The following GRHL2 variants were observed in gnomAD, a reference collection of about 807,000 sequenced individuals.
GRHL2 encodes grainyhead-like protein 2 homolog.
GRHL2 carries 21 observed loss-of-function variants against 83.8 expected under a neutral mutation model. That is an observed-to-expected ratio of 0.25 (90% CI 0.18 to 0.36). The LOEUF (loss-of-function observed/expected upper bound fraction) is 0.36. Among genes scored for constraint, GRHL2 ranks in the 10% least tolerant of loss-of-function variants. The pLI is 1.00. For synonymous variants in GRHL2, 280 were observed against 278.9 expected, an observed-to-expected ratio of 1.00 and a Z score of -0.04; for missense variants, 623 against 781.8, an observed-to-expected ratio of 0.80 and a Z score of 2.42.
At chr8:101,541,961 T>A (rs2130117664) in intron 1 of GRHL2, among the ~76,000 whole-genome samples, 1 of 152,300 alleles carries the variant, frequency 6.6e-6, no homozygotes, top group South Asian at 2.1e-4. Flanking sequence ...AGTTTTTATA[T>A]CACCTAAATA....
At chr8:101,521,460 C>G (rs564336352) in intron 1 of GRHL2, among the ~76,000 whole-genome samples, 2 of 152,152 alleles carry the variant, frequency 1.3e-5, no homozygotes, top group Admixed American at 6.5e-5. Context: ...ACCACATGGT[C>G]CCCATGATAT....
chr8:101,537,044 C>T (rs750041865), intron 1 of GRHL2, among the ~76,000 whole-genome samples: 1 of 151,258 alleles, frequency 6.6e-6, no homozygotes, highest in Non-Finnish European at 1.5e-5. Flanking sequence ...GTTTTCTATT[C>T]CTGTGTTAGT....
chr8:101,551,237 A>T (rs1340658624), intron 2 of GRHL2, among the ~76,000 whole-genome samples: 7 of 152,248 alleles, frequency 4.6e-5, no homozygotes, highest in African/African-American at 1.7e-4. Flanking sequence ...TTATTAACAA[A>T]TATAAAGTAC....
At chr8:101,654,289 C>CTAAT (rs1586175045) in intron 14 of GRHL2, among the ~76,000 whole-genome samples, 2 of 152,200 alleles carry the variant, frequency 1.3e-5, no homozygotes, top group African/African-American at 4.8e-5. Flanking sequence ...TCATCCTGGA[C>CTAAT]TAATTATTGA....
chr8:101,546,860 G>A (rs183524104), intron 2 of GRHL2, among the ~76,000 whole-genome samples: 3 of 152,292 alleles, frequency 2.0e-5, no homozygotes, highest in Admixed American at 2.0e-4. Flanking sequence ...AAGGAAAGTT[G>A]AAATATTGCT....
chr8:101,581,731 GC>G (rs1563591494), intron 7 of GRHL2, among the ~76,000 whole-genome samples: 1 of 152,124 alleles, frequency 6.6e-6, no homozygotes. Flanking sequence ...TGTAATTAAG[GC>G]AGAGCCCTGT....
intron 5 of GRHL2, among the ~76,000 whole-genome samples, chr8:101,570,815 T>A (rs58824748): frequency 6.6e-6 from 1 of 152,220 alleles, no homozygotes; most frequent in African/African-American, 2.4e-5. Context: ...GTAAAGGATC[T>A]GGCTTCTTTC....
rs542446359 is a variant in GRHL2 at position 101,519,285 on chromosome 8, A to G, written c.21-23956A>G. Among the ~76,000 whole-genome samples, 6 of 152,102 alleles carry G rather than the reference A, an allele frequency of 3.9e-5. No individual in the cohort carries two copies. In the South Asian group the frequency reaches 1.2e-3, roughly 32 times the overall value. On this transcript the variant is annotated intron_variant, in intron 1 of 15. Coordinates refer to ENST00000646743, the MANE Select transcript of GRHL2 (RefSeq NM_024915.4). ...TAATCCTCCCGCCTTGGCTTCCCAA[A>G]AGTGCTGGAATTACAGCTGTGAGCC...
intron 12 of GRHL2, among the ~76,000 whole-genome samples, chr8:101,637,755 G>T (rs182563914): frequency 6.6e-6 from 1 of 152,236 alleles, no homozygotes; most frequent in African/African-American, 2.4e-5. Context: ...ATTCCAGCTC[G>T]TAGGGAGTTC....
At chr8:101,643,368 TCAAAAA>T (rs1813441094) in intron 12 of GRHL2, among the ~76,000 whole-genome samples, 1 of 18,816 alleles carries the variant, frequency 5.3e-5, no homozygotes, top group African/African-American at 1.8e-4. Flanking sequence ...TCTGTTTCTC[TCAAAAA>T]AAAAAAAAAA....
chr8:101,574,815 T>C (rs1811901602), intron 6 of GRHL2, among the ~76,000 whole-genome samples: 1 of 152,238 alleles, frequency 6.6e-6, no homozygotes, highest in Non-Finnish European at 1.5e-5. Context: ...AGTCATAAAA[T>C]AACAATTTAT....
intron 15 of GRHL2, among the ~76,000 whole-genome samples, chr8:101,665,659 A>G (rs1423491466): frequency 6.6e-6 from 1 of 152,232 alleles, no homozygotes; most frequent in Non-Finnish European, 1.5e-5. Flanking sequence ...GCTTTCATCA[A>G]GCTCTGTATC....
Position 101,624,504 on chromosome 8 carries a change from A to C in GRHL2, c.1257+4807A>C, listed in dbSNP as rs569251667. ...AACAGTGTAGGACAGTTCAGAGTAC[A>C]CAGTAGGACAGTTCACAGTAAGACA... On this transcript the variant is annotated intron_variant, in intron 9 of 15. Transcript: ENST00000646743. Among the ~76,000 whole-genome samples, 292 of 150,518 alleles carry C rather than the reference A, an allele frequency of 1.9e-3. 1 individual carries two copies. Among genetic ancestry groups the C allele is most frequent in the African/African-American group, 6.8e-3 (279 of 40,888 alleles).
At chr8:101,669,923 C>A (rs1331237661), downstream of GRHL2, among the ~76,000 whole-genome samples, 1 of 152,192 alleles carries the variant, frequency 6.6e-6, no homozygotes, top group Non-Finnish European at 1.5e-5. Flanking sequence ...GGCTGAAGAA[C>A]TTCCAGGGCT....
rs1253013242 is a variant in GRHL2 at position 101,657,607 on chromosome 8, G to A, written c.1699-6847G>A. Among the ~76,000 whole-genome samples, 10 of 152,132 alleles carry A rather than the reference G, an allele frequency of 6.6e-5. 1 individual carries two copies. The highest frequency in any genetic ancestry group is 2.4e-4 in the African/African-American group (10 of 41,452). ...TGTAATCCCAGCACTCTGGGAGGCC[G>A]AGACGGGTGGATCACGAGGTCAGGA... On this transcript the variant is annotated intron_variant, in intron 14 of 15. Coordinates refer to ENST00000646743, the MANE Select transcript of GRHL2 (RefSeq NM_024915.4).
intron 2 of GRHL2, among the ~76,000 whole-genome samples, chr8:101,548,377 T>C (rs1811309633): frequency 6.6e-6 from 1 of 152,158 alleles, no homozygotes; most frequent in South Asian, 2.1e-4. Context: ...AAGGGGCATG[T>C]TCCAAGAGCA....
intron 9 of GRHL2, among the ~76,000 whole-genome samples, chr8:101,620,413 G>A (rs1286242269): frequency 6.6e-6 from 1 of 152,136 alleles, no homozygotes; most frequent in East Asian, 1.9e-4. Context: ...GCATATCAGG[G>A]CATCCGTTAT....
chr8:101,565,795 A>G (rs1175814102), intron 4 of GRHL2, among the ~76,000 whole-genome samples: 1 of 152,226 alleles, frequency 6.6e-6, no homozygotes, highest in Admixed American at 6.5e-5. Flanking sequence ...GAGAAGAACT[A>G]TTTATAAGTG....
intron 1 of GRHL2, among the ~76,000 whole-genome samples, chr8:101,505,299 C>A (rs1306959349): frequency 6.6e-6 from 1 of 152,016 alleles, no homozygotes; most frequent in Admixed American, 6.5e-5. Flanking sequence ...CTAAATGGGC[C>A]GGGCGTGGTG....
Sources: gnomAD v4.1 joint callset for allele counts (sites outside exome capture counted in the v4.1 genomes callset) on GRCh38, gnomAD v4.1.1 for gene constraint, MANE v1.5 for transcripts, NCBI Gene and HGNC (gene_info 2026-07-23, HGNC 2026-07-21) for gene names.